The following ARHGAP21 variants were observed in gnomAD, a reference collection of about 807,000 sequenced individuals.
ARHGAP21 encodes the protein rho GTPase-activating protein 21.
ARHGAP21 carries 38 observed loss-of-function variants against 164.6 expected under a neutral mutation model. That is an observed-to-expected ratio of 0.23 (90% CI 0.18 to 0.30). ARHGAP21 has a LOEUF of 0.30. Among genes scored for constraint, ARHGAP21 ranks in the 10% least tolerant of loss-of-function variants. ARHGAP21 has a pLI of 1.00. For missense variants in ARHGAP21, 1,822 were observed against 2,370.7 expected, an observed-to-expected ratio of 0.77 and a Z score of 4.81; for synonymous variants, 766 against 857.9, an observed-to-expected ratio of 0.89 and a Z score of 1.87.
chr10:24,636,791 T>A (rs1438615040), intron 4 of ARHGAP21, among the ~76,000 whole-genome samples: 1 of 152,214 alleles, frequency 6.6e-6, no homozygotes, highest in Non-Finnish European at 1.5e-5. Flanking sequence ...CGAGTAGACA[T>A]CGGTCCAAAA....
intron 11 of ARHGAP21, among the ~76,000 whole-genome samples, chr10:24,606,103 G>A (rs1390586217): frequency 1.3e-5 from 2 of 151,888 alleles, no homozygotes; most frequent in Non-Finnish European, 2.9e-5. Flanking sequence ...ATGAGTCAAA[G>A]TTTACAAAAA....
chr10:24,589,005 C>CCTAATTTTCACATTAAAGAATGGCCT (rs1564952616), intron 25 of ARHGAP21, among the ~76,000 whole-genome samples: 1 of 151,910 alleles, frequency 6.6e-6, no homozygotes, highest in African/African-American at 2.4e-5. Flanking sequence ...TATGTTAGGA[C>CCTAATTTTCACATTAAAGAATGGCCT]CTAATTTTCA....
At chr10:24,671,062 C>A (rs1840654284) in intron 2 of ARHGAP21, among the ~76,000 whole-genome samples, 2 of 152,036 alleles carry the variant, frequency 1.3e-5, no homozygotes, top group Admixed American at 6.6e-5. Flanking sequence ...CCAACCCTTA[C>A]AATTCTTCAA....
rs761653431 is a variant in ARHGAP21, at chr10:24,721,822, T to G, written c.63+15A>C. On this transcript the variant is annotated intron_variant, in intron 2 of 25. Transcript: ENST00000396432. ...CCACCGCCCTGCCGGCCAGGAACGC[T>G]GGCTCCGCGCTTACCTCGCAGGCCT... is the stretch of plus-strand genomic sequence containing the variant. 2 of 1,614,046 alleles carry G rather than the reference T, an allele frequency of 1.2e-6. No homozygotes were observed. Among genetic ancestry groups the G allele is most frequent in the South Asian group, 2.2e-5 (2 of 91,016 alleles).
chr10:24,684,066 C>A (rs1344475554), intron 2 of ARHGAP21, among the ~76,000 whole-genome samples: 1 of 152,180 alleles, frequency 6.6e-6, no homozygotes, highest in Non-Finnish European at 1.5e-5. Context: ...GTGGGCGGAT[C>A]GCTTCAGGTC....
In ARHGAP21 at chr10:24,631,040, C is replaced by A. The variant is rs575167934; in HGVS notation, c.441-990G>T. ...GAAATTTCCCTAAGTTTAGAAAGTT[C>A]AAAGGGGTAAACAAAACTGAATCCT... is the stretch of plus-strand genomic sequence containing the variant. On this transcript the variant is annotated intron_variant, in intron 6 of 25. Coordinates refer to ENST00000396432, the MANE Select transcript of ARHGAP21 (RefSeq NM_020824.4). 1.3e-4 allele frequency among the ~76,000 whole-genome samples: 20 copies of A among 152,172 alleles called. 1 individual carries two copies. Among genetic ancestry groups the A allele is most frequent in the Middle Eastern group, 3.4e-3 (1 of 294 alleles).
At chr10:24,679,263 G>A (rs1007243812) in intron 2 of ARHGAP21, among the ~76,000 whole-genome samples, 3 of 152,156 alleles carry the variant, frequency 2.0e-5, no homozygotes, top group Admixed American at 2.0e-4. Flanking sequence ...CAAGATCAAG[G>A]CACCGGCAGA....
At chr10:24,699,169 T>C (rs1843426331) in intron 2 of ARHGAP21, among the ~76,000 whole-genome samples, 1 of 152,114 alleles carries the variant, frequency 6.6e-6, no homozygotes, top group Non-Finnish European at 1.5e-5. Flanking sequence ...CTGGCTCCTA[T>C]TATCTCTTTT....
At chr10:24,601,888 A>C (rs908141922) in intron 13 of ARHGAP21, 90 bp downstream of exon 13, 4 of 1,291,988 alleles carry the variant, frequency 3.1e-6, no homozygotes, top group Non-Finnish European at 4.0e-6. Context: ...TTTAATCTGG[A>C]TATCATGCCA....
chr10:24,715,597 A>G (rs899444582), intron 2 of ARHGAP21, among the ~76,000 whole-genome samples: 13 of 152,240 alleles, frequency 8.5e-5, no homozygotes, highest in African/African-American at 2.9e-4. Flanking sequence ...AAAGGTGCAA[A>G]GAAAAAAGGC....
intron 2 of ARHGAP21, among the ~76,000 whole-genome samples, chr10:24,675,390 C>G (rs1446818876): frequency 6.6e-6 from 1 of 152,080 alleles, no homozygotes; most frequent in Non-Finnish European, 1.5e-5. Context: ...CTGGTCTATA[C>G]TGACTGAAAG....
At chr10:24,652,993 A>G (rs1436153024) in intron 4 of ARHGAP21, among the ~76,000 whole-genome samples, 1 of 152,218 alleles carries the variant, frequency 6.6e-6, no homozygotes, top group Non-Finnish European at 1.5e-5. Context: ...TGAAGTAGCT[A>G]AACACTGAAA....
Position 24,712,153 on chromosome 10 carries a change from T to A in ARHGAP21, c.63+9684A>T, listed in dbSNP as rs141433006. Among the ~76,000 whole-genome samples the A allele has an allele frequency of 8.1e-3, 1,229 of 152,248 alleles. 24 individuals carry two copies. The highest frequency in any genetic ancestry group is 0.028 in the African/African-American group (1,147 of 41,540). Reference sequence around the variant, plus strand: ...GTGGTCTCGAACTCCTGACCTCAAGTGATCTGCCTGCCTCAGCTTCCCAAA... The same window carrying A: ...GTGGTCTCGAACTCCTGACCTCAAGAGATCTGCCTGCCTCAGCTTCCCAAA... On this transcript the variant is annotated intron_variant, in intron 2 of 25. Coordinates refer to ENST00000396432, the MANE Select transcript of ARHGAP21 (RefSeq NM_020824.4).
intron 4 of ARHGAP21, among the ~76,000 whole-genome samples, chr10:24,650,124 T>C (rs1838008858): frequency 6.6e-6 from 1 of 152,172 alleles, no homozygotes; most frequent in Non-Finnish European, 1.5e-5. Context: ...ACTGAATAAT[T>C]GTGTACCCAG....
At chr10:24,642,990 T>C (rs890293648) in intron 4 of ARHGAP21, among the ~76,000 whole-genome samples, 8 of 152,158 alleles carry the variant, frequency 5.3e-5, no homozygotes, top group African/African-American at 1.9e-4. Flanking sequence ...GACAAAGCAA[T>C]AGTGCTACGA....
intron 9 of ARHGAP21, among the ~76,000 whole-genome samples, chr10:24,613,300 A>G (rs893343452): frequency 6.6e-6 from 1 of 152,188 alleles, no homozygotes; most frequent in African/African-American, 2.4e-5. Flanking sequence ...TAGGCTCACT[A>G]AACATTTTTC....
Position 24,589,306 on chromosome 10 carries a change from T to C in ARHGAP21, c.4151-4A>G. ...GTTGAGTCACTAGTAGCTGAATCTG[T>C]GAAAAATTAAATAAAACATGGTCAG... On this transcript the variant is annotated splice_region_variant and splice_polypyrimidine_tract_variant and intron_variant, in intron 24 of 25. Transcript: ENST00000396432. The C allele has an allele frequency of 6.2e-7, 1 of 1,607,438 alleles. No homozygotes were observed. The highest frequency in any genetic ancestry group is 1.3e-5 in the African/African-American group (1 of 74,836).
chr10:24,653,065 A>G (rs1276764962), intron 4 of ARHGAP21, among the ~76,000 whole-genome samples: 2 of 152,238 alleles, frequency 1.3e-5, no homozygotes, highest in Non-Finnish European at 2.9e-5. Context: ...TACAAACATC[A>G]GCTTTATTGA....
rs2076571954 is a variant in ARHGAP21, at chr10:24,596,213, T to C, written c.3478-170A>G. 8.8e-6 allele frequency: 5 copies of C among 568,796 alleles called. No homozygotes were observed. The Admixed American group carries it at 1.5e-4, about 17-fold the overall frequency. 35.2% of individuals were successfully genotyped at this position (568,796 alleles called of 1,614,324 possible). ...AATAGATAAAACCTGCAAGAGATAT[T>C]TGAGACAGTAAGAAGAGAACAAAGA... On this transcript the variant is annotated intron_variant, in intron 17 of 25. Transcript: ENST00000396432.
Sources: gnomAD v4.1 joint callset for allele counts (sites outside exome capture counted in the v4.1 genomes callset) on GRCh38, gnomAD v4.1.1 for gene constraint, MANE v1.5 for transcripts, NCBI Gene and HGNC (gene_info 2026-07-23, HGNC 2026-07-21) for gene names.